The following TULP3 variants were observed in gnomAD, a reference collection of about 807,000 sequenced individuals.
TULP3 encodes the protein tubby-related protein 3.
Under a neutral mutation model 50.7 loss-of-function variants are expected in TULP3, and 38 were observed. The observed-to-expected ratio is 0.75, with a 90% CI of 0.58 to 0.98. The LOEUF is 0.98. TULP3 is among the 50% of genes least tolerant of loss of function. The pLI, the probability that TULP3 is intolerant of heterozygous loss-of-function variation, is 0.00. For synonymous variants in TULP3, 183 were observed against 196.6 expected (o/e 0.93, Z 0.58); for missense variants, 550 against 568.0 (o/e 0.97, Z 0.32).
rs770996743 is a variant in TULP3 at position 2,939,462 on chromosome 12, G to A, written c.*18G>A. The A allele has an allele frequency of 1.9e-6, 3 of 1,613,606 alleles. No homozygotes were observed. In the South Asian group the frequency reaches 3.3e-5, roughly 18 times the overall value. Reference sequence around the variant, plus strand: ...GTGAATGAGAGAACAGTCAGGCAGGGAGCCCTTCTCCCCACAGAGCTTTCA... The same window carrying A: ...GTGAATGAGAGAACAGTCAGGCAGGAAGCCCTTCTCCCCACAGAGCTTTCA... On this transcript the variant is annotated 3_prime_UTR_variant, in exon 11 of 11. Transcript: ENST00000448120. This position sits in a 1 kb window ranked among gnomAD's most constrained non-coding sequence, Gnocchi z 4.0.
At chr12:2,925,451 G>A (rs190110844) in intron 4 of TULP3, among the ~76,000 whole-genome samples, 88 of 152,134 alleles carry the variant, frequency 5.8e-4, no homozygotes, top group Non-Finnish European at 1.1e-3. Flanking sequence ...GAAGGGAGGG[G>A]GTGATTCCGC....
At position 2,940,321 on chromosome 12, in the gene TULP3, TAAAAAA is replaced by T. The variant is rs371211844; in HGVS notation, c.*889_*894del. On this transcript the variant is annotated 3_prime_UTR_variant, in exon 11 of 11. Coordinates refer to ENST00000448120, the MANE Select transcript of TULP3 (RefSeq NM_003324.5). The stretch of plus-strand genomic sequence containing the variant: ...GGCAGTATTGACCATTTAGTTTAGT[TAAAAAA>T]AAAAAAAAAAAGGTGGCAGGAGAGG... The T allele has an allele frequency of 8.4e-4, 1,115 of 1,323,842 alleles. 1 individual carries two copies. The highest frequency in any genetic ancestry group is 1.0e-3 in the Non-Finnish European group (1,045 of 1,031,588). 82.0% of individuals were successfully genotyped at this position (1,323,842 alleles called of 1,614,324 possible). A position where few individuals can be genotyped will look rare whatever the true frequency, so the allele number is the denominator to read the frequency against.
intron 2 of TULP3, among the ~76,000 whole-genome samples, chr12:2,912,337 G>A (rs1294057232): frequency 6.6e-6 from 1 of 152,172 alleles, no homozygotes; most frequent in Non-Finnish European, 1.5e-5. Context: ...GGAAGGGCAG[G>A]CTACAGCTCA....
At chr12:2,897,034 A>AGACG in intron 1 of TULP3, among the ~76,000 whole-genome samples, 1 of 151,924 alleles carries the variant, frequency 6.6e-6, no homozygotes. Context: ...TTTTTTTTGG[A>AGACG]GTCTCGCTCT....
At position 2,896,081 on chromosome 12, in the gene TULP3, C is replaced by T. The variant is rs546003083; in HGVS notation, c.41+5093C>T. On this transcript the variant is annotated intron_variant, in intron 1 of 10. Coordinates refer to ENST00000448120, the MANE Select transcript of TULP3 (RefSeq NM_003324.5). ...TCAGCCTCCCAAGTAGTTGGGATTA[C>T]AGGCGTGCACCACCATGCCCAGCTA... Among the ~76,000 whole-genome samples, 16 of 152,184 alleles carry T rather than the reference C, an allele frequency of 1.1e-4. No individual in the cohort carries two copies. The South Asian group carries it at 2.9e-3, about 28-fold the overall frequency.
chr12:2,934,605 C>T, intron 8 of TULP3, 44 bp downstream of exon 8: 1 of 1,342,028 alleles, frequency 7.5e-7, no homozygotes, highest in Non-Finnish European at 1.0e-6. Context: ...CTCCTGGTGT[C>T]CTGCTGGCAC....
Position 2,939,483 on chromosome 12 carries a change from T to C in TULP3, c.*39T>C, listed in dbSNP as rs1318240344. 5.0e-6 allele frequency: 8 copies of C among 1,610,608 alleles called. No individual in the cohort carries two copies. The highest frequency in any genetic ancestry group is 6.8e-6 in the Non-Finnish European group (8 of 1,178,524). On this transcript the variant is annotated 3_prime_UTR_variant, in exon 11 of 11. Coordinates refer to ENST00000448120, the MANE Select transcript of TULP3 (RefSeq NM_003324.5). This position sits in a 1 kb window ranked among gnomAD's most constrained non-coding sequence, Gnocchi z 4.0. ...CAGGGAGCCCTTCTCCCCACAGAGCTTTCAGGAGCAGACAGTGGCCTCCCC... is the reference window on the plus strand; with the variant it reads ...CAGGGAGCCCTTCTCCCCACAGAGCCTTCAGGAGCAGACAGTGGCCTCCCC...
At position 2,940,705 on chromosome 12, in the gene TULP3, AC is replaced by A. The variant is rs1403609406; in HGVS notation, c.*1263del. On this transcript the variant is annotated 3_prime_UTR_variant, in exon 11 of 11. Transcript: ENST00000448120. Reference sequence around the variant, plus strand: ...TCTCACCTCCGCCTGTTGTTCCTGCACCACATCAGATAAGCATGTGAAGGAG... The same window carrying A: ...TCTCACCTCCGCCTGTTGTTCCTGCACACATCAGATAAGCATGTGAAGGAG... 121 of 1,551,062 alleles carry A rather than the reference AC, an allele frequency of 7.8e-5. No homozygotes were observed. The highest frequency in any genetic ancestry group is 1.0e-4 in the Non-Finnish European group (119 of 1,146,770).
chr12:2,907,716 TTTTTG>T (rs1301409142), intron 1 of TULP3, among the ~76,000 whole-genome samples: 3 of 117,924 alleles, frequency 2.5e-5, no homozygotes, highest in Non-Finnish European at 5.2e-5. Context: ...TCTAGTTTTG[TTTTTG>T]TTTTATCTTT....
rs758840617 is a variant in TULP3, at chr12:2,940,004, C to T, written c.*560C>T. 2.3e-6 allele frequency: 3 copies of T among 1,285,826 alleles called. No homozygotes were observed. Among genetic ancestry groups the T allele is most frequent in the South Asian group, 1.2e-5 (1 of 80,984 alleles). The allele number at this position is 1,285,826 out of a possible 1,614,324, so 79.7% of individuals were successfully genotyped here. On this transcript the variant is annotated 3_prime_UTR_variant, in exon 11 of 11. Transcript: ENST00000448120. Reference sequence around the variant, plus strand: ...GGACTGACATCGCAGTTCCTCTCCTCTCTTCATTCCCTCACAGCAGATTGG... The same window carrying T: ...GGACTGACATCGCAGTTCCTCTCCTTTCTTCATTCCCTCACAGCAGATTGG...
intron 1 of TULP3, among the ~76,000 whole-genome samples, chr12:2,899,364 AC>A (rs1565496492): frequency 1.3e-5 from 2 of 151,492 alleles, no homozygotes; most frequent in African/African-American, 2.4e-5. Context: ...AAAAAAAAAA[AC>A]AGCGAAATTC....
At chr12:2,894,961 A>G (rs890670610) in intron 1 of TULP3, among the ~76,000 whole-genome samples, 3 of 152,202 alleles carry the variant, frequency 2.0e-5, no homozygotes, top group African/African-American at 7.2e-5. Flanking sequence ...GAAGAGAGAA[A>G]ATATAACCCC....
chr12:2,934,079 C>G (rs773935093), intron 7 of TULP3, among the ~76,000 whole-genome samples: 22 of 152,114 alleles, frequency 1.4e-4, no homozygotes, highest in Non-Finnish European at 2.5e-4. Flanking sequence ...GAGACATTAT[C>G]TCTTCAAAAA....
intron 2 of TULP3, 101 bp downstream of exon 2, chr12:2,909,681 C>A: frequency 8.0e-7 from 1 of 1,252,978 alleles, no homozygotes; most frequent in Non-Finnish European, 1.1e-6. Flanking sequence ...GGAAAGAAGA[C>A]TGGAAAGGAG....
chr12:2,933,683 G>T (rs1303196338), intron 7 of TULP3, among the ~76,000 whole-genome samples, 153 bp downstream of exon 7: 1 of 152,098 alleles, frequency 6.6e-6, no homozygotes, highest in Non-Finnish European at 1.5e-5. Flanking sequence ...GGGCGCAGTG[G>T]CTCACACCTG....
Position 2,941,065 on chromosome 12 carries a change from G to A in TULP3, c.*1621G>A. The A allele has an allele frequency of 4.3e-6, 1 of 234,258 alleles. No homozygotes were observed. Among genetic ancestry groups the A allele is most frequent in the Non-Finnish European group, 8.2e-6 (1 of 121,904 alleles). 14.5% of individuals were successfully genotyped at this position (234,258 alleles called of 1,614,324 possible). A position where few individuals can be genotyped will look rare whatever the true frequency, so the allele number is the denominator to read the frequency against. Reference sequence around the variant, plus strand: ...TAATTTCACATAATTTGTGTGTGCAGGTGATTGGTTTTTACATAAGTCCTA... The same window carrying A: ...TAATTTCACATAATTTGTGTGTGCAAGTGATTGGTTTTTACATAAGTCCTA... On this transcript the variant is annotated 3_prime_UTR_variant, in exon 11 of 11. Transcript: ENST00000448120.
rs764317107 is a variant in TULP3 at position 2,909,532 on chromosome 12, C to G, written c.45C>G (p.Val15=). The change falls in exon 2 of 11, where the codon GTC becomes GTG. Residue 15 remains valine (V), a synonymous_variant. Transcript: ENST00000448120. Reference sequence around the variant, plus strand: ...TTATTTTTTTTTTTTTTAACAGTGTCTTCCATGAAGAAATGATGAAGATGC... The same window carrying G: ...TTATTTTTTTTTTTTTTAACAGTGTGTTCCATGAAGAAATGATGAAGATGC... ...RCRLSPSGDS[V]FHEEMMKMRQ... is the part of the protein sequence containing the mutation. 6.4e-7 allele frequency: 1 copy of G among 1,566,944 alleles called. No homozygotes were observed. The highest frequency in any genetic ancestry group is 8.6e-7 in the Non-Finnish European group (1 of 1,165,684).
intron 1 of TULP3, among the ~76,000 whole-genome samples, chr12:2,892,719 C>T (rs1440198002): frequency 6.6e-6 from 1 of 152,036 alleles, no homozygotes; most frequent in Non-Finnish European, 1.5e-5. Context: ...ACCATGTTGG[C>T]CAAGATGGTC....
intron 4 of TULP3, among the ~76,000 whole-genome samples, chr12:2,929,887 C>CCCTCAAACATAT (rs2098196947): frequency 6.6e-6 from 1 of 152,004 alleles, no homozygotes; most frequent in Non-Finnish European, 1.5e-5. Flanking sequence ...CCGCGCCCAG[C>CCCTCAAACATAT]CTGCCCTGCC....
Sources: allele counts gnomAD v4.1 joint callset (sites outside exome capture counted in the v4.1 genomes callset), GRCh38; gene constraint gnomAD v4.1.1; non-coding constraint Gnocchi (gnomAD v3.1); transcripts MANE v1.5; gene names NCBI Gene and HGNC (gene_info 2026-07-23, HGNC 2026-07-21).